ZFAND3: variants seen among roughly 807,000 people sequenced by gnomAD.
ZFAND3 encodes AN1-type zinc finger protein 3.
A neutral mutation model predicts 29.6 loss-of-function variants in ZFAND3; 10 were observed. That is an observed-to-expected ratio of 0.34 (90% confidence interval 0.21 to 0.57). The LOEUF is 0.57. Among genes scored for constraint, ZFAND3 ranks in the 20% least tolerant of loss-of-function variants. The probability of loss-of-function intolerance (pLI) is 0.86; values close to 1 mark genes in which losing one functional copy is unlikely to be tolerated. For missense variants in ZFAND3, 230 were observed against 304.5 expected (o/e 0.76, Z 1.82); for synonymous variants, 128 against 112.6 (o/e 1.14, Z -0.87).
At chr6:38,106,154 C>CT (rs757788022) in intron 4 of ZFAND3, among the ~76,000 whole-genome samples, 18,468 of 145,320 alleles carry the variant, frequency 0.13, 1,366 homozygotes, top group African/African-American at 0.2. Context: ...AAATGACATT[C>CT]TTTTTTTTTT....
intron 2 of ZFAND3, among the ~76,000 whole-genome samples, chr6:37,971,743 C>G (rs1379931653): frequency 6.7e-6 from 1 of 149,980 alleles, no homozygotes; most frequent in East Asian, 2.0e-4. Flanking sequence ...AATCCCAGCA[C>G]TTTGGGAGGT....
At chr6:38,118,349 A>C (rs1371274837) in intron 5 of ZFAND3, among the ~76,000 whole-genome samples, 2 of 152,114 alleles carry the variant, frequency 1.3e-5, no homozygotes, top group African/African-American at 4.8e-5. Context: ...GTGATCTGCA[A>C]ATTCTTGCTT....
intron 1 of ZFAND3, among the ~76,000 whole-genome samples, chr6:37,897,668 C>G (rs1225628075): frequency 1.3e-5 from 2 of 152,178 alleles, no homozygotes; most frequent in Admixed American, 6.5e-5. Flanking sequence ...TTTCAGTCTT[C>G]TAGCCTCTGG....
intron 5 of ZFAND3, chr6:38,142,382 A>T (rs934997903): frequency 4.2e-6 from 2 of 470,824 alleles, no homozygotes; most frequent in Non-Finnish European, 8.8e-6. Context: ...CAGGGAGGCT[A>T]AACAGGCCAC....
intron 2 of ZFAND3, among the ~76,000 whole-genome samples, chr6:37,968,499 A>G (rs552832869): frequency 6.6e-6 from 1 of 151,830 alleles, no homozygotes; most frequent in South Asian, 2.1e-4. Flanking sequence ...TATTGGTAAT[A>G]TTTGGTGTGT....
At chr6:38,138,660 C>T (rs542281998) in intron 5 of ZFAND3, among the ~76,000 whole-genome samples, 1 of 152,290 alleles carries the variant, frequency 6.6e-6, no homozygotes, top group African/African-American at 2.4e-5. Flanking sequence ...TTAGATCTAA[C>T]TAGACCTCTA....
chr6:38,020,572 T>G (rs1443812470), intron 2 of ZFAND3, among the ~76,000 whole-genome samples: 1 of 152,212 alleles, frequency 6.6e-6, no homozygotes, highest in African/African-American at 2.4e-5. Flanking sequence ...AAGACAACTA[T>G]GTAATGGCAT....
intron 1 of ZFAND3, among the ~76,000 whole-genome samples, chr6:37,884,339 A>G (rs1812599): frequency 0.34 from 47,639 of 141,808 alleles, 11,160 homozygotes; most frequent in Non-Finnish European, 0.4. Context: ...ACTAAAAAAT[A>G]CAAAATTAGC....
chr6:37,948,670 T>C (rs981919673), intron 2 of ZFAND3, among the ~76,000 whole-genome samples: 1 of 152,330 alleles, frequency 6.6e-6, no homozygotes, highest in South Asian at 2.1e-4. Flanking sequence ...CATGTGTACT[T>C]AATGTTTAGC....
At chr6:38,138,077 G>A (rs1477624323) in intron 5 of ZFAND3, among the ~76,000 whole-genome samples, 2 of 152,096 alleles carry the variant, frequency 1.3e-5, no homozygotes, top group Non-Finnish European at 2.9e-5. Context: ...CTGGGGACGC[G>A]GAGGTGGGAG....
At chr6:38,048,153 G>A (rs151243938) in intron 2 of ZFAND3, among the ~76,000 whole-genome samples, 226 of 151,726 alleles carry the variant, frequency 1.5e-3, no homozygotes, top group Middle Eastern at 0.014. Flanking sequence ...CTACAGGCGC[G>A]CACCATTATG....
At chr6:38,141,685 C>A (rs1321442519) in intron 5 of ZFAND3, among the ~76,000 whole-genome samples, 1 of 152,124 alleles carries the variant, frequency 6.6e-6, no homozygotes, top group Non-Finnish European at 1.5e-5. Flanking sequence ...TCGGCAGTGA[C>A]TTCTCAAAGG....
chr6:38,133,716 C>A (rs2127492326), intron 5 of ZFAND3, among the ~76,000 whole-genome samples: 1 of 151,668 alleles, frequency 6.6e-6, no homozygotes, highest in East Asian at 1.9e-4. Flanking sequence ...CGCCACTGCA[C>A]TCCAGCCTGG....
intron 3 of ZFAND3, among the ~76,000 whole-genome samples, chr6:38,080,851 C>T (rs1764647702): frequency 6.6e-6 from 1 of 152,112 alleles, no homozygotes; most frequent in Non-Finnish European, 1.5e-5. Flanking sequence ...GTTTTCATGT[C>T]GCAGTTTACC....
chr6:38,153,371 G>T lies in ZFAND3; in HGVS notation c.*982G>T, dbSNP rs558468597. Reference sequence around the variant, plus strand: ...GGCTCTGCCCCTTCCAGCTGGAGCCGCCCGTGCCTCCAGGGGCCAAGAGGA... The same window carrying T: ...GGCTCTGCCCCTTCCAGCTGGAGCCTCCCGTGCCTCCAGGGGCCAAGAGGA... On this transcript the variant is annotated 3_prime_UTR_variant, in exon 6 of 6. Coordinates refer to ENST00000287218, the MANE Select transcript of ZFAND3 (RefSeq NM_021943.3). 6.8e-5 allele frequency: 67 copies of T among 985,504 alleles called. No individual in the cohort carries two copies. In the African/African-American group the frequency reaches 1.1e-3, roughly 16 times the overall value. 61.0% of individuals were successfully genotyped at this position (985,504 alleles called of 1,614,324 possible).
chr6:38,117,274 T>TG (rs1230029305), intron 5 of ZFAND3, among the ~76,000 whole-genome samples: 1 of 149,658 alleles, frequency 6.7e-6, no homozygotes, highest in Non-Finnish European at 1.5e-5. Flanking sequence ...TTTTTTTTTT[T>TG]TTTTCCTGGG....
intron 1 of ZFAND3, among the ~76,000 whole-genome samples, chr6:37,845,835 A>G (rs551903927): frequency 1.3e-5 from 2 of 152,366 alleles, no homozygotes; most frequent in Non-Finnish European, 2.9e-5. Flanking sequence ...TTCTGAGCTT[A>G]AAGTGAGCCT....
chr6:37,982,414 C>G (rs1762595683), intron 2 of ZFAND3, among the ~76,000 whole-genome samples: 1 of 151,928 alleles, frequency 6.6e-6, no homozygotes, highest in Admixed American at 6.6e-5. Context: ...GTGGAGCAGC[C>G]TTCTAGAGGG....
chr6:38,075,529 G>A (rs1419979543), intron 3 of ZFAND3, among the ~76,000 whole-genome samples: 7 of 152,136 alleles, frequency 4.6e-5, no homozygotes, highest in Non-Finnish European at 8.8e-5. Context: ...AAAGGAAAGT[G>A]GTTTCTTGAG....
Sources: gnomAD v4.1 joint callset for allele counts (sites outside exome capture counted in the v4.1 genomes callset) on GRCh38, gnomAD v4.1.1 for gene constraint, MANE v1.5 for transcripts, NCBI Gene and HGNC (gene_info 2026-07-23, HGNC 2026-07-21) for gene names.